The following ARHGEF4 variants were observed in gnomAD, a reference collection of about 807,000 sequenced individuals.
ARHGEF4 encodes Rho guanine nucleotide exchange factor 4, also known as APC-stimulated guanine nucleotide exchange factor 1.
Under a neutral mutation model 162.0 loss-of-function variants are expected in ARHGEF4, and 119 were observed. The observed-to-expected ratio is 0.73, with a 90% CI of 0.63 to 0.86. The LOEUF (loss-of-function observed/expected upper bound fraction) is 0.86, where lower values mean the gene tolerates loss of function less well. Among genes scored for constraint, ARHGEF4 ranks in the 40% least tolerant of loss-of-function variants. The pLI is 0.00. For missense variants in ARHGEF4, 2,488 were observed against 2,456.0 expected (o/e 1.01, Z -0.28); for synonymous variants, 1,014 against 979.9 (o/e 1.03, Z -0.65).
Position 130,917,613 on chromosome 2 carries a change from GCCC to G in ARHGEF4, c.3552+118_3552+120del, listed in dbSNP as rs927340321. 27 of 1,370,508 alleles carry G rather than the reference GCCC, an allele frequency of 2.0e-5. No individual in the cohort carries two copies. In the Admixed American group the frequency reaches 6.3e-4, roughly 32 times the overall value. 84.9% of individuals were successfully genotyped at this position (1,370,508 alleles called of 1,614,324 possible). A position where few individuals can be genotyped will look rare whatever the true frequency, so the allele number is the denominator to read the frequency against. ...AAAATAGGAAGGCCAGGCCAAAATT[GCCC>G]CCGTTACACTCCCAGCCGCCCCCCC... On this transcript the variant is annotated intron_variant, in intron 2 of 13. Transcript: ENST00000409359.
At chr2:130,855,203 G>A (rs1489935119) in intron 1 of ARHGEF4, among the ~76,000 whole-genome samples, 1 of 151,982 alleles carries the variant, frequency 6.6e-6, no homozygotes, top group Non-Finnish European at 1.5e-5. Flanking sequence ...GAAACAAAAA[G>A]TTGGAGAACC....
chr2:130,991,839 G>A lies in ARHGEF4; in HGVS notation c.3986-36106G>A, dbSNP rs1011507823. Among the ~76,000 whole-genome samples the A allele has an allele frequency of 5.3e-4, 81 of 152,242 alleles. 1 individual carries two copies. Among genetic ancestry groups the A allele is most frequent in the East Asian group, 1.9e-4 (1 of 5,194 alleles). On this transcript the variant is annotated intron_variant, in intron 4 of 13. Coordinates refer to ENST00000409359, the MANE Select transcript of ARHGEF4 (RefSeq NM_001367493.1). ...GGGCTGAGGAGTGCGAGCACATGGC[G>A]CGGGACTGGCAGGCAGCTCCACCTG... is the stretch of plus-strand genomic sequence containing the variant.
chr2:130,941,383 T>C (rs1351602355), intron 3 of ARHGEF4, among the ~76,000 whole-genome samples: 2 of 151,960 alleles, frequency 1.3e-5, no homozygotes, highest in Non-Finnish European at 2.9e-5. Context: ...TTTGTATTTT[T>C]AGTAGAGACA....
chr2:130,993,041 G>A (rs1687147605), intron 4 of ARHGEF4, among the ~76,000 whole-genome samples: 2 of 152,328 alleles, frequency 1.3e-5, no homozygotes, highest in Admixed American at 6.5e-5. Context: ...CTGAGATAGC[G>A]TCAGTGCACT....
chr2:130,885,448 T>G (rs1396928467), intron 1 of ARHGEF4, among the ~76,000 whole-genome samples: 1 of 151,642 alleles, frequency 6.6e-6, no homozygotes, highest in Admixed American at 6.6e-5. Context: ...CCCAATCACA[T>G]CTTAAAGGTC....
chr2:130,999,038 T>C (rs1687583526), intron 4 of ARHGEF4, among the ~76,000 whole-genome samples: 1 of 152,248 alleles, frequency 6.6e-6, no homozygotes, highest in Non-Finnish European at 1.5e-5. Context: ...CTCTTTATTA[T>C]TTTAACTTCC....
chr2:130,860,651 G>A lies in ARHGEF4; in HGVS notation c.39+23659G>A, dbSNP rs1327764381. On this transcript the variant is annotated intron_variant, in intron 1 of 13. Transcript: ENST00000409359. ...TGTGAACCCGGGAGGCGAAGCTTGCGGTGAGCCGAGATCGCGTCACTGCAC... is the reference window on the plus strand; with the variant it reads ...TGTGAACCCGGGAGGCGAAGCTTGCAGTGAGCCGAGATCGCGTCACTGCAC... 1.3e-3 allele frequency among the ~76,000 whole-genome samples: 149 copies of A among 119,022 alleles called. 28 individuals carry two copies. The highest frequency in any genetic ancestry group is 1.9e-3 in the Admixed American group (21 of 11,248). 78.1% of individuals were successfully genotyped at this position (119,022 alleles called of 152,430 possible). A position where few individuals can be genotyped will look rare whatever the true frequency, so the allele number is the denominator to read the frequency against.
At chr2:130,853,538 T>A (rs901511106) in intron 1 of ARHGEF4, among the ~76,000 whole-genome samples, 4 of 152,210 alleles carry the variant, frequency 2.6e-5, no homozygotes, top group Non-Finnish European at 5.9e-5. Context: ...GGGGCATGTC[T>A]TCGCTCAGCA....
intron 4 of ARHGEF4, among the ~76,000 whole-genome samples, chr2:131,011,131 C>T (rs1688422656): frequency 6.6e-6 from 1 of 152,198 alleles, no homozygotes; most frequent in Admixed American, 6.5e-5. Context: ...AGTCAAATAA[C>T]ACAGTTCCAC....
intron 1 of ARHGEF4, among the ~76,000 whole-genome samples, chr2:130,847,145 C>G (rs551079675): frequency 1.3e-5 from 2 of 152,348 alleles, no homozygotes; most frequent in East Asian, 3.9e-4. Flanking sequence ...TTGCCCCTGC[C>G]GGACACCTGG....
chr2:130,840,992 A>G (rs1409623269), intron 1 of ARHGEF4, among the ~76,000 whole-genome samples: 1 of 152,190 alleles, frequency 6.6e-6, no homozygotes. Flanking sequence ...TATTGGTTGA[A>G]CACCTACTAT....
intron 4 of ARHGEF4, among the ~76,000 whole-genome samples, chr2:130,950,218 GA>G (rs1683866113): frequency 6.6e-6 from 1 of 152,214 alleles, no homozygotes; most frequent in Non-Finnish European, 1.5e-5. Context: ...CCCCTCACTA[GA>G]ATTTCTTCTC....
At chr2:131,024,251 C>G (rs6758030) in intron 4 of ARHGEF4, among the ~76,000 whole-genome samples, 148,301 of 152,240 alleles carry the variant, frequency 0.97, 72,295 homozygotes, top group East Asian at 0.99. Flanking sequence ...AATAAAACAT[C>G]TTTTGTTTTG....
intron 8 of ARHGEF4, 91 bp from the exon 9 acceptor site, chr2:131,041,139 A>C: frequency 8.0e-7 from 1 of 1,256,190 alleles, no homozygotes; most frequent in African/African-American, 1.5e-5. Flanking sequence ...TCCTGAAGGA[A>C]ATGTAGAGGC....
chr2:130,946,535 T>C lies in ARHGEF4; in HGVS notation c.3885T>C (p.Ser1295=), dbSNP rs750442037. 3.7e-6 allele frequency: 6 copies of C among 1,613,940 alleles called. No homozygotes were observed. Among genetic ancestry groups the C allele is most frequent in the Non-Finnish European group, 5.1e-6 (6 of 1,179,886 alleles). ...GCTGGAGAAAGACGATCATTACCTCTCCAGAGTCTTTGAATCTCCCTAGAA... is the reference window on the plus strand; with the variant it reads ...GCTGGAGAAAGACGATCATTACCTCCCCAGAGTCTTTGAATCTCCCTAGAA... ...VKCWRKTIIT[S]PESLNLPRRS... is the part of the protein sequence containing the mutation. Residue 1295 remains serine (S), a synonymous_variant, in exon 4 of 14, where the codon TCT becomes TCC. Coordinates refer to ENST00000409359, the MANE Select transcript of ARHGEF4 (RefSeq NM_001367493.1).
intron 4 of ARHGEF4, among the ~76,000 whole-genome samples, chr2:131,008,819 T>G (rs1558844759): frequency 1.3e-5 from 2 of 152,212 alleles, no homozygotes; most frequent in African/African-American, 4.8e-5. Flanking sequence ...ATGTATAATT[T>G]CATTTATCCC....
chr2:130,995,179 A>G (rs1228781866), intron 4 of ARHGEF4, among the ~76,000 whole-genome samples: 1 of 152,194 alleles, frequency 6.6e-6, no homozygotes, highest in African/African-American at 2.4e-5. Context: ...TTCCCTGTGA[A>G]TGAATGTGCA....
chr2:131,045,256 C>T, intron 12 of ARHGEF4, 113 bp from the exon 13 acceptor site: 1 of 1,031,326 alleles, frequency 9.7e-7, no homozygotes, highest in Non-Finnish European at 1.5e-6. Flanking sequence ...GTGGCCAGTA[C>T]TGAGTCCCCA....
intron 3 of ARHGEF4, among the ~76,000 whole-genome samples, chr2:130,932,807 G>A (rs571144238): frequency 1.3e-5 from 2 of 152,090 alleles, no homozygotes; most frequent in South Asian, 2.1e-4. Flanking sequence ...TTTTTGTATG[G>A]TATGAGATAG....
Sources: allele counts gnomAD v4.1 joint callset (sites outside exome capture counted in the v4.1 genomes callset), GRCh38; gene constraint gnomAD v4.1.1; transcripts MANE v1.5; gene names NCBI Gene and HGNC (gene_info 2026-07-23, HGNC 2026-07-21).